FOCAD: variants seen among roughly 807,000 people sequenced by gnomAD.
FOCAD encodes focadhesin.
In FOCAD, 198 loss-of-function variants were observed where a neutral mutation model predicts 225.6. The ratio of observed to expected loss-of-function variants is 0.88; its 90% CI spans 0.78 to 0.99. The LOEUF is 0.99. FOCAD is among the 50% of genes least tolerant of loss of function. The probability of loss-of-function intolerance (pLI) is 0.00; values close to 1 mark genes in which losing one functional copy is unlikely to be tolerated. For synonymous variants in FOCAD, 897 were observed against 755.0 expected (o/e 1.19, Z -3.08); for missense variants, 2,713 against 2,123.6 (o/e 1.28, Z -5.46).
At chr9:20,816,374 T>C (rs2131385745) in intron 11 of FOCAD, among the ~76,000 whole-genome samples, 1 of 152,126 alleles carries the variant, frequency 6.6e-6, no homozygotes, top group Admixed American at 6.6e-5. Flanking sequence ...CTGTTTTTAA[T>C]TAAAATGGGA....
chr9:20,821,666 A>C (rs1824337855), intron 14 of FOCAD, among the ~76,000 whole-genome samples: 1 of 152,058 alleles, frequency 6.6e-6, no homozygotes, highest in South Asian at 2.1e-4. Flanking sequence ...ACCATATCCA[A>C]ATTTTTTTTT....
intron 5 of FOCAD, among the ~76,000 whole-genome samples, chr9:20,748,526 G>T (rs1282357505): frequency 6.6e-6 from 1 of 152,020 alleles, no homozygotes; most frequent in South Asian, 2.1e-4. Flanking sequence ...GTTTCAGAGG[G>T]CTTGTAGAAA....
chr9:20,724,588 G>A (rs1057089981), intron 4 of FOCAD, among the ~76,000 whole-genome samples: 1 of 152,098 alleles, frequency 6.6e-6, no homozygotes, highest in African/African-American at 2.4e-5. Context: ...ATATATAAGT[G>A]CTAAGTTTTC....
At chr9:20,860,095 A>G (rs1384832565) in intron 15 of FOCAD, among the ~76,000 whole-genome samples, 3 of 152,174 alleles carry the variant, frequency 2.0e-5, no homozygotes, top group Admixed American at 6.5e-5. Flanking sequence ...GTTAAAAGAG[A>G]AAATAGATCA....
At chr9:20,901,817 ATATC>A (rs1832590430) in intron 21 of FOCAD, among the ~76,000 whole-genome samples, 1 of 151,982 alleles carries the variant, frequency 6.6e-6, no homozygotes, top group African/African-American at 2.4e-5. Context: ...AAAAATTATA[ATATC>A]TGCTTTAAAA....
chr9:20,919,323 A>G (rs1329167858), intron 24 of FOCAD, among the ~76,000 whole-genome samples: 1 of 152,324 alleles, frequency 6.6e-6, no homozygotes, highest in Admixed American at 6.5e-5. Flanking sequence ...GACGATACAA[A>G]CAAATGGAAG....
At chr9:20,863,962 A>AT (rs2131707563) in intron 16 of FOCAD, among the ~76,000 whole-genome samples, 1 of 151,628 alleles carries the variant, frequency 6.6e-6, no homozygotes, top group African/African-American at 2.4e-5. Flanking sequence ...TTTCTTCCAG[A>AT]TTTTACATTC....
intron 2 of FOCAD, among the ~76,000 whole-genome samples, chr9:20,677,268 C>G (rs1437387921): frequency 6.6e-6 from 1 of 152,164 alleles, no homozygotes; most frequent in African/African-American, 2.4e-5. Context: ...TGTAAAATTA[C>G]TAGAAGCAAA....
At chr9:20,949,583 T>TGGGCCC in intron 32 of FOCAD, 21 bp from the exon 33 acceptor site, 1 of 948,688 alleles carries the variant, frequency 1.1e-6, no homozygotes, top group East Asian at 4.8e-5. Context: ...GTGGGATGGG[T>TGGGCCC]ATTTCTTCTT....
intron 41 of FOCAD, among the ~76,000 whole-genome samples, chr9:20,988,997 C>A (rs1009586106): frequency 6.6e-6 from 1 of 152,110 alleles, no homozygotes. Flanking sequence ...AAGTAAGAAC[C>A]GCTAGTATTA....
chr9:20,887,562 C>T (rs1227777372), intron 21 of FOCAD, among the ~76,000 whole-genome samples: 2 of 152,086 alleles, frequency 1.3e-5, no homozygotes, highest in East Asian at 3.9e-4. Context: ...TTGAGAATTG[C>T]AGTTTGTTTA....
intron 28 of FOCAD, among the ~76,000 whole-genome samples, chr9:20,934,025 C>A (rs536805880): frequency 6.6e-6 from 1 of 152,054 alleles, no homozygotes; most frequent in Admixed American, 6.6e-5. Context: ...ATTGTCTATT[C>A]ATGTCCTTAG....
In FOCAD at chr9:20,754,827, G is replaced by T. The variant is rs139928289; in HGVS notation, c.393-3263G>T. On this transcript the variant is annotated intron_variant, in intron 5 of 43. Coordinates refer to ENST00000338382, the MANE Select transcript of FOCAD (RefSeq NM_001375567.1). ...TATGTGGCCCAAAATGTCAGTAGTG[G>T]TAAGACTGAGAAACTCTCATGCATG... Among the ~76,000 whole-genome samples the T allele has an allele frequency of 3.3e-3, 495 of 152,182 alleles. 2 individuals are homozygous for T. The highest frequency in any genetic ancestry group is 5.1e-3 in the Non-Finnish European group (344 of 67,992).
chr9:20,795,986 C>A (rs1225058925), intron 11 of FOCAD, among the ~76,000 whole-genome samples: 1 of 151,476 alleles, frequency 6.6e-6, no homozygotes, highest in Non-Finnish European at 1.5e-5. Context: ...CACAACAGGC[C>A]CCGGTGTGTG....
At chr9:20,866,109 T>C (rs975809830) in intron 17 of FOCAD, 133 bp downstream of exon 17, 3 of 732,404 alleles carry the variant, frequency 4.1e-6, no homozygotes, top group Non-Finnish European at 2.2e-6. Context: ...AAAAAAAGTG[T>C]GATTATTCAT....
intron 39 of FOCAD, among the ~76,000 whole-genome samples, chr9:20,985,462 C>G (rs1269683095): frequency 6.6e-6 from 1 of 152,144 alleles, no homozygotes; most frequent in African/African-American, 2.4e-5. Flanking sequence ...GCAAATACTA[C>G]CAGGTATTTT....
At chr9:20,988,501 T>A in intron 41 of FOCAD, 72 bp downstream of exon 41, 1 of 542,068 alleles carries the variant, frequency 1.8e-6, no homozygotes, top group Non-Finnish European at 2.9e-6. Flanking sequence ...CAAAAGTAAT[T>A]GCGGTTTTGC....
At chr9:20,833,772 A>T (rs774199409) in intron 15 of FOCAD, among the ~76,000 whole-genome samples, 3 of 152,112 alleles carry the variant, frequency 2.0e-5, no homozygotes, top group Non-Finnish European at 4.4e-5. Context: ...ACTAGTAAAC[A>T]CATAGAAAAA....
chr9:20,723,286 G>A (rs1438266053), intron 4 of FOCAD, among the ~76,000 whole-genome samples: 10 of 152,170 alleles, frequency 6.6e-5, no homozygotes, highest in Non-Finnish European at 1.2e-4. Context: ...TCAGGAGTTC[G>A]AGACCAGCCT....
Sources: gnomAD v4.1 joint callset for allele counts (sites outside exome capture counted in the v4.1 genomes callset) on GRCh38, gnomAD v4.1.1 for gene constraint, MANE v1.5 for transcripts, NCBI Gene and HGNC (gene_info 2026-07-23, HGNC 2026-07-21) for gene names.